Variants in PHOSPHO2 observed in about 807,000 individuals in gnomAD.
PHOSPHO2 encodes the protein pyridoxal phosphate phosphatase PHOSPHO2.
A neutral mutation model predicts 16.4 loss-of-function variants in PHOSPHO2; 14 were observed. That is an observed-to-expected ratio of 0.85 (90% CI 0.56 to 1.33). The LOEUF (loss-of-function observed/expected upper bound fraction) is 1.33, where lower values mean the gene tolerates loss of function less well. Ranked by LOEUF, PHOSPHO2 falls within the 40% of genes most tolerant of loss-of-function variation. The pLI is 0.00. For missense variants in PHOSPHO2, 246 were observed against 282.5 expected, an observed-to-expected ratio of 0.87 and a Z score of 0.93; for synonymous variants, 85 against 90.5, an observed-to-expected ratio of 0.94 and a Z score of 0.34.
chr2:169,697,590 G>A (rs1390763578), intron 3 of PHOSPHO2, 59 bp downstream of exon 3: 2 of 152,076 alleles, frequency 1.3e-5, no homozygotes, highest in Non-Finnish European at 2.9e-5. Context: ...GAAAAAGATG[G>A]GAAAATTTTA....
rs1369735703 is a variant in PHOSPHO2, at chr2:169,694,490, GAA to G, written c.-362_-361del. 16 of 696,128 alleles carry G rather than the reference GAA, an allele frequency of 2.3e-5. No homozygotes were observed. Among genetic ancestry groups the G allele is most frequent in the Non-Finnish European group, 4.1e-5 (16 of 392,472 alleles). The allele number at this position is 696,128 out of a possible 1,614,324, so 43.1% of individuals were successfully genotyped here. Reference sequence around the variant, plus strand: ...TGCTGCAGTTGGCGGTCGGGCTAGAGAAGAGAGGCGCCTGCGCTTGCGAGCTG... The same window carrying G: ...TGCTGCAGTTGGCGGTCGGGCTAGAGGAGAGGCGCCTGCGCTTGCGAGCTG... On this transcript the variant is annotated 5_prime_UTR_variant, in exon 1 of 4. Coordinates refer to ENST00000359744, the MANE Select transcript of PHOSPHO2 (RefSeq NM_001008489.4).
At chr2:169,696,711 CTA>C (rs2105591994) in intron 2 of PHOSPHO2, among the ~76,000 whole-genome samples, 1 of 152,330 alleles carries the variant, frequency 6.6e-6, no homozygotes, top group African/African-American at 2.4e-5. Context: ...ATTCTTAAAA[CTA>C]AATCTTTGTT....
chr2:169,701,100 T>G lies in PHOSPHO2; in HGVS notation c.129T>G (p.Phe43Leu). The part of the protein sequence containing the change: ...IELRDSYRKG[F>L]WTEFMGRVFK... ...TACGTGATTCTTATCGAAAAGGATT[T>G]TGGACAGAATTTATGGGCAGAGTCT... The change falls in exon 4 of 4, where the codon TTT becomes TTG. Residue 43 changes from phenylalanine (F) to leucine (L), a missense_variant. Coordinates refer to ENST00000359744, the MANE Select transcript of PHOSPHO2 (RefSeq NM_001008489.4). 6.2e-7 allele frequency: 1 copy of G among 1,614,034 alleles called. No individual in the cohort carries two copies. Among genetic ancestry groups the G allele is most frequent in the South Asian group, 1.1e-5 (1 of 91,080 alleles).
intron 2 of PHOSPHO2, among the ~76,000 whole-genome samples, chr2:169,697,150 G>A (rs1687571881): frequency 6.6e-6 from 1 of 151,898 alleles, no homozygotes; most frequent in Non-Finnish European, 1.5e-5. Context: ...CAAGTAGCTA[G>A]GACTACAGGT....
At position 169,694,583 on chromosome 2, in the gene PHOSPHO2, G is replaced by C. The variant is rs1160638825; in HGVS notation, c.-270G>C. On this transcript the variant is annotated 5_prime_UTR_variant, in exon 1 of 4. Transcript: ENST00000359744. ...AGGCCAAAGGACTGAACCCGCAGGA[G>C]CGTCACGGGCGCCGGGGCGGCTGCC... 1.8e-6 allele frequency: 1 copy of C among 568,426 alleles called. No individual in the cohort carries two copies. Among genetic ancestry groups the C allele is most frequent in the African/African-American group, 1.9e-5 (1 of 53,098 alleles). The allele number at this position is 568,426 out of a possible 1,614,324, so 35.2% of individuals were successfully genotyped here.
rs1574493992 is a variant in PHOSPHO2 at position 169,694,563 on chromosome 2, A to G, written c.-290A>G. The G allele has an allele frequency of 3.4e-6, 2 of 592,958 alleles. No homozygotes were observed. The highest frequency in any genetic ancestry group is 5.9e-5 in the Admixed American group (2 of 34,166). The allele number at this position is 592,958 out of a possible 1,614,324, so 36.7% of individuals were successfully genotyped here. Reference sequence around the variant, plus strand: ...GAGAGGGCAGGCGTGGGGCGAGGCCAAAGGACTGAACCCGCAGGAGCGTCA... The same window carrying G: ...GAGAGGGCAGGCGTGGGGCGAGGCCGAAGGACTGAACCCGCAGGAGCGTCA... On this transcript the variant is annotated 5_prime_UTR_variant, in exon 1 of 4. Coordinates refer to ENST00000359744, the MANE Select transcript of PHOSPHO2 (RefSeq NM_001008489.4).
In PHOSPHO2 at chr2:169,701,155, G is replaced by C; in HGVS notation, c.184G>C (p.Glu62Gln). The C allele has an allele frequency of 6.2e-7, 1 of 1,614,006 alleles. No individual in the cohort carries two copies. Among genetic ancestry groups the C allele is most frequent in the Non-Finnish European group, 8.5e-7 (1 of 1,179,948 alleles). The change falls in exon 4 of 4, where the codon GAA (glutamate) becomes CAA (glutamine). Residue 62 changes from glutamate (E) to glutamine (Q), a missense_variant. Glu to Gln is a conservative substitution (Grantham distance 29). Transcript: ENST00000359744. ...GTATTTGGGAGATAAGGGTGTAAGA[G>C]AACATGAAATGAAAAGAGCAGTGAC... ...FKYLGDKGVREHEMKRAVTSL... is the reference protein window; with the variant it reads ...FKYLGDKGVRQHEMKRAVTSL...
chr2:169,694,629 G>A lies in PHOSPHO2; in HGVS notation c.-231+7G>A. 3 of 503,386 alleles carry A rather than the reference G, an allele frequency of 6.0e-6. No individual in the cohort carries two copies. The South Asian group carries it at 6.3e-5, about 11-fold the overall frequency. The allele number at this position is 503,386 out of a possible 1,614,324, so 31.2% of individuals were successfully genotyped here. ...CTGCCGACGGCGGGACTGGGTCAGT[G>A]AGAAGCCCGTGGGCCCCCGCCCTGC... is the stretch of plus-strand genomic sequence containing the variant. On this transcript the variant is annotated splice_region_variant and intron_variant, in intron 1 of 3. Transcript: ENST00000359744.
At chr2:169,699,519 A>G (rs906661150) in intron 3 of PHOSPHO2, among the ~76,000 whole-genome samples, 6 of 152,178 alleles carry the variant, frequency 3.9e-5, no homozygotes, top group African/African-American at 1.4e-4. Context: ...AATGATTTAC[A>G]TTCCTTTGGG....
In PHOSPHO2 at chr2:169,694,532, G is replaced by A. The variant is rs913640816; in HGVS notation, c.-321G>A. On this transcript the variant is annotated 5_prime_UTR_variant, in exon 1 of 4. Coordinates refer to ENST00000359744, the MANE Select transcript of PHOSPHO2 (RefSeq NM_001008489.4). ...CTTGCGAGCTGGGCTTGTGAGTGGG[G>A]CTGCCGAGAGGGCAGGCGTGGGGCG... is the stretch of plus-strand genomic sequence containing the variant. 1.4e-5 allele frequency: 9 copies of A among 628,576 alleles called. No individual in the cohort carries two copies. Among genetic ancestry groups the A allele is most frequent in the African/African-American group, 3.6e-5 (2 of 54,872 alleles). The allele number at this position is 628,576 out of a possible 1,614,324, so 38.9% of individuals were successfully genotyped here. A position where few individuals can be genotyped will look rare whatever the true frequency, so the allele number is the denominator to read the frequency against.
chr2:169,694,805 G>T, intron 1 of PHOSPHO2, 183 bp downstream of exon 1: 1 of 224,348 alleles, frequency 4.5e-6, no homozygotes, highest in Non-Finnish European at 9.1e-6. Flanking sequence ...CGGGTGGAGT[G>T]TGAGGAGCAA....
chr2:169,700,789 A>C (rs1000864554), intron 3 of PHOSPHO2, among the ~76,000 whole-genome samples, 157 bp from the exon 4 acceptor site: 11 of 152,136 alleles, frequency 7.2e-5, no homozygotes, highest in Non-Finnish European at 1.5e-4. Context: ...TTTGCTTCTT[A>C]GAGAAAAGTG....
chr2:169,701,576 A>T lies in PHOSPHO2; in HGVS notation c.605A>T (p.Tyr202Phe), dbSNP rs1478781213. The T allele has an allele frequency of 6.2e-7, 1 of 1,612,186 alleles. No individual in the cohort carries two copies. Among genetic ancestry groups the T allele is most frequent in the Admixed American group, 1.7e-5 (1 of 60,022 alleles). Reference sequence around the variant, plus strand: ...GATGTTGCCATGCCACGGAAAGGATATACCTTACAGAAAACTCTTTCCAGA... The same window carrying T: ...GATGTTGCCATGCCACGGAAAGGATTTACCTTACAGAAAACTCTTTCCAGA... ...NDDVAMPRKG[Y>F]TLQKTLSRMS... Residue 202 changes from tyrosine to phenylalanine, a missense_variant, in exon 4 of 4, where the codon TAT becomes TTT. Coordinates refer to ENST00000359744, the MANE Select transcript of PHOSPHO2 (RefSeq NM_001008489.4).
At position 169,701,261 on chromosome 2, in the gene PHOSPHO2, T is replaced by C; in HGVS notation, c.290T>C (p.Ile97Thr). 1.2e-6 allele frequency: 2 copies of C among 1,613,700 alleles called. No homozygotes were observed. Among genetic ancestry groups the C allele is most frequent in the Non-Finnish European group, 8.5e-7 (1 of 1,179,848 alleles). ...AAGGATAAATTTGACTGCATTATTA[T>C]TTCAGATTCAAATTCGGTCTTCATA... ...KNKDKFDCII[I>T]SDSNSVFIDW... is the part of the protein sequence containing the mutation. The change falls in exon 4 of 4, where the codon ATT becomes ACT. Residue 97 changes from isoleucine to threonine, a missense_variant. Transcript: ENST00000359744.
intron 2 of PHOSPHO2, among the ~76,000 whole-genome samples, chr2:169,695,881 G>C (rs576445596): frequency 6.6e-6 from 1 of 152,300 alleles, no homozygotes; most frequent in South Asian, 2.1e-4. Flanking sequence ...CAGGAAAGGA[G>C]CCCTGAGCTT....
rs1457227477 is a variant in PHOSPHO2 at position 169,694,577 on chromosome 2, G to A, written c.-276G>A. 1 of 575,108 alleles carries A rather than the reference G, an allele frequency of 1.7e-6. No individual in the cohort carries two copies. Among genetic ancestry groups the A allele is most frequent in the South Asian group, 2.0e-5 (1 of 49,472 alleles). The allele number at this position is 575,108 out of a possible 1,614,324, so 35.6% of individuals were successfully genotyped here. On this transcript the variant is annotated 5_prime_UTR_variant, in exon 1 of 4. Coordinates refer to ENST00000359744, the MANE Select transcript of PHOSPHO2 (RefSeq NM_001008489.4). ...GGGGCGAGGCCAAAGGACTGAACCCGCAGGAGCGTCACGGGCGCCGGGGCG... is the reference window on the plus strand; with the variant it reads ...GGGGCGAGGCCAAAGGACTGAACCCACAGGAGCGTCACGGGCGCCGGGGCG...
At position 169,694,612 on chromosome 2, in the gene PHOSPHO2, G is replaced by A. The variant is rs1408953912; in HGVS notation, c.-241G>A. ...CACGGGCGCCGGGGCGGCTGCCGACGGCGGGACTGGGTCAGTGAGAAGCCC... is the reference window on the plus strand; with the variant it reads ...CACGGGCGCCGGGGCGGCTGCCGACAGCGGGACTGGGTCAGTGAGAAGCCC... On this transcript the variant is annotated 5_prime_UTR_variant, in exon 1 of 4. Transcript: ENST00000359744. The A allele has an allele frequency of 5.6e-6, 3 of 532,628 alleles. No individual in the cohort carries two copies. The highest frequency in any genetic ancestry group is 1.9e-5 in the African/African-American group (1 of 52,282). The allele number at this position is 532,628 out of a possible 1,614,324, so 33.0% of individuals were successfully genotyped here. A position where few individuals can be genotyped will look rare whatever the true frequency, so the allele number is the denominator to read the frequency against.
chr2:169,700,821 G>A, intron 3 of PHOSPHO2, 125 bp from the exon 4 acceptor site: 1 of 972,540 alleles, frequency 1.0e-6, no homozygotes, highest in Non-Finnish European at 1.4e-6. Context: ...GTCTTGAAGT[G>A]CTTAATTACT....
rs56036676 is a variant in PHOSPHO2 at position 169,701,587 on chromosome 2, A to G, written c.616A>G (p.Lys206Glu). 66 of 1,611,090 alleles carry G rather than the reference A, an allele frequency of 4.1e-5. No homozygotes were observed. Among genetic ancestry groups the G allele is most frequent in the Non-Finnish European group, 5.5e-5 (65 of 1,179,928 alleles). ...GCCACGGAAAGGATATACCTTACAG[A>G]AAACTCTTTCCAGAATGTCTCAAAA... ...AMPRKGYTLQKTLSRMSQNLE... is the reference protein window; with the variant it reads ...AMPRKGYTLQETLSRMSQNLE... The change falls in exon 4 of 4, where the codon AAA becomes GAA. Residue 206 changes from lysine (K) to glutamate (E), a missense_variant. Transcript: ENST00000359744.
Sources: allele counts gnomAD v4.1 joint callset (sites outside exome capture counted in the v4.1 genomes callset), GRCh38; gene constraint gnomAD v4.1.1; transcripts MANE v1.5; gene names NCBI Gene and HGNC (gene_info 2026-07-23, HGNC 2026-07-21).